Variants in STK25 observed in about 807,000 individuals in gnomAD.
STK25 encodes the protein serine/threonine-protein kinase 25.
In STK25, 29 loss-of-function variants were observed where a neutral mutation model predicts 53.8. The ratio of observed to expected loss-of-function variants is 0.54; its 90% CI spans 0.40 to 0.74. The LOEUF (loss-of-function observed/expected upper bound fraction) is 0.74. Ranked by LOEUF, STK25 falls within the 30% of genes least tolerant of loss-of-function variation. STK25 has a pLI of 0.00. For missense variants in STK25, 420 were observed against 568.0 expected (o/e 0.74, Z 2.65); for synonymous variants, 247 against 238.3 (o/e 1.04, Z -0.33).
Position 241,493,261 on chromosome 2 carries a change from C to T in STK25, c.*2401G>A. The T allele has an allele frequency of 6.2e-7, 1 of 1,607,998 alleles. No individual in the cohort carries two copies. Among genetic ancestry groups the T allele is most frequent in the Non-Finnish European group, 8.5e-7 (1 of 1,175,952 alleles). ...GGGCATTCCCTGTGGCAACCCAGCCCCTGGAACCCGTGTCCCTATGCTGTC... is the reference window on the plus strand; with the variant it reads ...GGGCATTCCCTGTGGCAACCCAGCCTCTGGAACCCGTGTCCCTATGCTGTC... On this transcript the variant is annotated 3_prime_UTR_variant, in exon 12 of 12. Transcript: ENST00000316586.
Position 241,501,288 on chromosome 2 carries a change from T to C in STK25, c.261+190A>G. On this transcript the variant is annotated intron_variant, in intron 3 of 11. Coordinates refer to ENST00000316586, the MANE Select transcript of STK25 (RefSeq NM_001271977.2). This position sits in a 1 kb window ranked among gnomAD's most constrained non-coding sequence, Gnocchi z 5.3. ...CCACAGGCAGGCAAGTGGGTCCCAA[T>C]GGCCATTTAGAGCCAACTGACCCTC... 1.5e-6 allele frequency: 1 copy of C among 650,216 alleles called. No individual in the cohort carries two copies. Among genetic ancestry groups the C allele is most frequent in the South Asian group, 1.8e-5 (1 of 56,428 alleles). 40.3% of individuals were successfully genotyped at this position (650,216 alleles called of 1,614,324 possible).
chr2:241,500,637 G>T, intron 4 of STK25, 103 bp downstream of exon 4: 3 of 1,188,048 alleles, frequency 2.5e-6, no homozygotes, highest in Middle Eastern at 1.9e-4. Context: ...AACACCTAAC[G>T]TGCCATGACA....
In STK25 at chr2:241,496,643, G is replaced by C; in HGVS notation, c.1105-109C>G. On this transcript the variant is annotated intron_variant, in intron 10 of 11. Transcript: ENST00000316586. The surrounding 1 kb of genome is among the most constrained non-coding windows in gnomAD (Gnocchi z 5.8). Reference sequence around the variant, plus strand: ...CGGAGGCCTTCAGGGCTCTCGCCTAGGAGCCACACCCGGGAGCCCTTCAGC... The same window carrying C: ...CGGAGGCCTTCAGGGCTCTCGCCTACGAGCCACACCCGGGAGCCCTTCAGC... 1 of 1,290,598 alleles carries C rather than the reference G, an allele frequency of 7.7e-7. No individual in the cohort carries two copies. Among genetic ancestry groups the C allele is most frequent in the Non-Finnish European group, 1.1e-6 (1 of 947,296 alleles). The allele number at this position is 1,290,598 out of a possible 1,614,324, so 79.9% of individuals were successfully genotyped here.
At position 241,502,182 on chromosome 2, in the gene STK25, C is replaced by T. The variant is rs185715070; in HGVS notation, c.31-474G>A. Among the ~76,000 whole-genome samples, 569 of 151,774 alleles carry T rather than the reference C, an allele frequency of 3.7e-3. 2 individuals are homozygous for T. The highest frequency in any genetic ancestry group is 5.3e-3 in the Non-Finnish European group (359 of 67,912). On this transcript the variant is annotated intron_variant, in intron 2 of 11. Coordinates refer to ENST00000316586, the MANE Select transcript of STK25 (RefSeq NM_001271977.2). ...TCCATTAAAAAAACAAACAAACAAA[C>T]AAATAACAACAACAAAAAAACCTAA...
upstream of STK25, chr2:241,509,231 G>T (rs553101468): frequency 3.9e-5 from 6 of 152,546 alleles, no homozygotes; most frequent in East Asian, 1.2e-3. Context: ...ACCTGTCAAG[G>T]GGTGGTCATA....
chr2:241,498,297 T>C lies in STK25; in HGVS notation c.970A>G (p.Thr324Ala), dbSNP rs2065293469. ...TTGCTGTGTGGACTCGGCCGGATGG[T>C]AGGGGGGAACGTCCAGATGGGGCCC... ...EQGPIWTFPP[T>A]IRPSPHSKLH... The change falls in exon 9 of 12, where the codon ACC becomes GCC. Residue 324 changes from threonine (T) to alanine (A), a missense_variant. By Grantham distance (58) the Thr-to-Ala change is moderately conservative (BLOSUM62 0). Transcript: ENST00000316586. The C allele has an allele frequency of 6.2e-7, 1 of 1,603,602 alleles. No individual in the cohort carries two copies.
chr2:241,500,331 A>G (rs1412963003), intron 4 of STK25, 50 bp from the exon 5 acceptor site: 2 of 1,324,308 alleles, frequency 1.5e-6, no homozygotes, highest in East Asian at 4.6e-5. Context: ...CCCAGGCCCA[A>G]TGCCTGAGTT....
At position 241,496,550 on chromosome 2, in the gene STK25, C is replaced by G. The variant is rs746973294; in HGVS notation, c.1105-16G>C. ...TCTCTTTGAGCTGTGAAAAGACCAC[C>G]ACGCCTGACCCTGGACCCCAGGACA... On this transcript the variant is annotated splice_polypyrimidine_tract_variant and intron_variant, in intron 10 of 11. Coordinates refer to ENST00000316586, the MANE Select transcript of STK25 (RefSeq NM_001271977.2). The surrounding 1 kb of genome is among the most constrained non-coding windows in gnomAD (Gnocchi z 5.8). 1.2e-6 allele frequency: 2 copies of G among 1,611,062 alleles called. No homozygotes were observed. Among genetic ancestry groups the G allele is most frequent in the Non-Finnish European group, 1.7e-6 (2 of 1,178,314 alleles).
Position 241,499,395 on chromosome 2 carries a change from C to T in STK25, c.447G>A (p.Ser149=), listed in dbSNP as rs149884210. ...RDIKAANVLL[S]EQGDVKLADF... is the part of the protein sequence containing the mutation. ...CCGCCAGCTTCACGTCACCCTGCTC[C>T]GAGAGTAGCACGTTGGCAGCTGCTT... The change falls in exon 6 of 12, where the codon TCG becomes TCA. Residue 149 remains serine (S), a synonymous_variant. Transcript: ENST00000316586. 188 of 1,613,796 alleles carry T rather than the reference C, an allele frequency of 1.2e-4. No individual in the cohort carries two copies. In the African/African-American group the frequency reaches 1.8e-3, roughly 16 times the overall value.
Position 241,494,002 on chromosome 2 carries a change from C to T in STK25, c.*1660G>A. Reference sequence around the variant, plus strand: ...TCACTGGTCTGATGGCCGCCCTCTCCTCCAGGTGGATGGAGGTGATCCAGG... The same window carrying T: ...TCACTGGTCTGATGGCCGCCCTCTCTTCCAGGTGGATGGAGGTGATCCAGG... On this transcript the variant is annotated 3_prime_UTR_variant, in exon 12 of 12. Coordinates refer to ENST00000316586, the MANE Select transcript of STK25 (RefSeq NM_001271977.2). This position sits in a 1 kb window ranked among gnomAD's most constrained non-coding sequence, Gnocchi z 4.9. The T allele has an allele frequency of 1.4e-6, 2 of 1,387,630 alleles. No homozygotes were observed. The highest frequency in any genetic ancestry group is 5.5e-5 in the East Asian group (2 of 36,212). The allele number at this position is 1,387,630 out of a possible 1,614,324, so 86.0% of individuals were successfully genotyped here. A position where few individuals can be genotyped will look rare whatever the true frequency, so the allele number is the denominator to read the frequency against.
rs2065015179 is a variant in STK25, at chr2:241,493,619, G to GCGT, written c.*2040_*2042dup. ...TTTGTTTTTTTTTTTTTTGGAGATG[G>GCGT]CGTCTCCCTCTGTCACTCAGGCTGG... On this transcript the variant is annotated 3_prime_UTR_variant, in exon 12 of 12. Coordinates refer to ENST00000316586, the MANE Select transcript of STK25 (RefSeq NM_001271977.2). 7 of 604,924 alleles carry GCGT rather than the reference G, an allele frequency of 1.2e-5. No homozygotes were observed. In the East Asian group the frequency reaches 2.0e-4, roughly 17 times the overall value. The allele number at this position is 604,924 out of a possible 1,614,324, so 37.5% of individuals were successfully genotyped here. A position where few individuals can be genotyped will look rare whatever the true frequency, so the allele number is the denominator to read the frequency against.
Position 241,499,085 on chromosome 2 carries a change from G to T in STK25, c.675C>A (p.Phe225Leu). Reference sequence around the variant, plus strand: ...TGGGTGGGCTGTTCTTGGGAATCAGGAACAGGACGCGCATGGGGTGGAGGT... The same window carrying T: ...TGGGTGGGCTGTTCTTGGGAATCAGTAACAGGACGCGCATGGGGTGGAGGT... ...NSDLHPMRVL[F>L]LIPKNSPPTL... is the part of the protein sequence containing the mutation. The change falls in exon 7 of 12, where the codon TTC becomes TTA. Residue 225 changes from phenylalanine to leucine, a missense_variant. By Grantham distance (22) the Phe-to-Leu change is conservative. Transcript: ENST00000316586. 1 of 1,614,140 alleles carries T rather than the reference G, an allele frequency of 6.2e-7. No homozygotes were observed. Among genetic ancestry groups the T allele is most frequent in the Non-Finnish European group, 8.5e-7 (1 of 1,180,020 alleles).
intron 5 of STK25, chr2:241,499,870 G>A: frequency 2.0e-6 from 1 of 501,322 alleles, no homozygotes; most frequent in South Asian, 1.9e-5. Context: ...CCACACGCTG[G>A]GGCTACTCAA....
At chr2:241,498,849 G>GT in intron 7 of STK25, 65 bp from the exon 8 acceptor site, 1 of 1,608,086 alleles carries the variant, frequency 6.2e-7, no homozygotes, top group Non-Finnish European at 8.5e-7. Flanking sequence ...GGAAGCAAAC[G>GT]TGAGGCAGCC....
chr2:241,507,889 C>G, intron 2 of STK25, 117 bp downstream of exon 2: 1 of 1,070,406 alleles, frequency 9.3e-7, no homozygotes, highest in Non-Finnish European at 1.4e-6. Flanking sequence ...GCACGACGCG[C>G]GCTCCTTCCC....
chr2:241,495,307 T>C lies in STK25; in HGVS notation c.*355A>G, dbSNP rs569362213. 7.9e-5 allele frequency: 19 copies of C among 240,336 alleles called. No homozygotes were observed. The highest frequency in any genetic ancestry group is 2.5e-4 in the Admixed American group (5 of 19,972). The allele number at this position is 240,336 out of a possible 1,614,324, so 14.9% of individuals were successfully genotyped here. On this transcript the variant is annotated 3_prime_UTR_variant, in exon 12 of 12. Transcript: ENST00000316586. ...GGAGGAGGAGGCAGAGCTGCCCTGA[T>C]AGTTGCTCTGCGCCTTGGTCTGAGC...
chr2:241,499,290 A>C lies in STK25; in HGVS notation c.552T>G (p.Pro184=). The C allele has an allele frequency of 6.2e-7, 1 of 1,614,012 alleles. No individual in the cohort carries two copies. The change falls in exon 6 of 12, where the codon CCT becomes CCG. Residue 184 remains proline, a synonymous_variant. Coordinates refer to ENST00000316586, the MANE Select transcript of STK25 (RefSeq NM_001271977.2). ...TFVGTPFWMA[P]EVIKQSAYDF... is the part of the protein sequence containing the mutation. ...CGTAGGCCGACTGCTTGATGACCTC[A>C]GGTGCCATCCAGAAGGGGGTGCCCA...
chr2:241,503,648 G>T (rs547273203), intron 2 of STK25, among the ~76,000 whole-genome samples: 11 of 143,874 alleles, frequency 7.6e-5, no homozygotes, highest in African/African-American at 2.8e-4. Context: ...AGGAGGCGGA[G>T]ATCGTGCCAC....
intron 2 of STK25, among the ~76,000 whole-genome samples, chr2:241,502,869 C>T (rs889994062): frequency 6.6e-6 from 1 of 152,162 alleles, no homozygotes; most frequent in African/African-American, 2.4e-5. Flanking sequence ...TCCATAAGTC[C>T]TCCTGACAGC....
Sources: allele counts gnomAD v4.1 joint callset (sites outside exome capture counted in the v4.1 genomes callset), GRCh38; gene constraint gnomAD v4.1.1; non-coding constraint Gnocchi (gnomAD v3.1); transcripts MANE v1.5; gene names NCBI Gene and HGNC (gene_info 2026-07-23, HGNC 2026-07-21).